MTX2: variants seen among roughly 807,000 people sequenced by gnomAD.
The protein encoded by MTX2 is metaxin 2.
Under a neutral mutation model 42.3 loss-of-function variants are expected in MTX2, and 35 were observed. The observed-to-expected ratio is 0.83, with a 90% CI of 0.63 to 1.10. The LOEUF is 1.10. Among genes scored for constraint, MTX2 ranks in the 50% least tolerant of loss-of-function variants. The probability of loss-of-function intolerance (pLI) is 0.00; values close to 1 mark genes in which losing one functional copy is unlikely to be tolerated. For missense variants in MTX2, 307 were observed against 304.1 expected (o/e 1.01, Z -0.07); for synonymous variants, 119 against 100.9 (o/e 1.18, Z -1.08).
intron 1 of MTX2, among the ~76,000 whole-genome samples, chr2:176,282,803 A>G (rs1192540680): frequency 6.6e-6 from 1 of 150,868 alleles, no homozygotes; most frequent in East Asian, 2.0e-4. Context: ...TCCTGGGTTC[A>G]TGCGATTGTC....
chr2:176,332,389 A>G (rs1483347885), intron 9 of MTX2, among the ~76,000 whole-genome samples: 3 of 151,346 alleles, frequency 2.0e-5, no homozygotes, highest in Admixed American at 1.3e-4. Context: ...TAAGTCAGGT[A>G]TTATACTGCA....
At chr2:176,292,992 A>G (rs915013157) in intron 1 of MTX2, among the ~76,000 whole-genome samples, 2 of 152,224 alleles carry the variant, frequency 1.3e-5, no homozygotes, top group Admixed American at 6.5e-5. Context: ...GTGTAACAGC[A>G]TACAAAACTA....
intron 9 of MTX2, among the ~76,000 whole-genome samples, chr2:176,335,099 C>T (rs1176011157): frequency 6.6e-6 from 1 of 151,894 alleles, no homozygotes; most frequent in African/African-American, 2.4e-5. Flanking sequence ...AAAAGGACCA[C>T]ATGATAAGGA....
intron 5 of MTX2, 58 bp from the exon 6 acceptor site, chr2:176,328,235 T>G: frequency 1.8e-6 from 2 of 1,131,966 alleles, no homozygotes; most frequent in South Asian, 3.5e-5. Context: ...GTGAGATAAC[T>G]GAAAGTTTTT....
At chr2:176,326,745 T>C (rs771332677) in intron 4 of MTX2, 80 bp from the exon 5 acceptor site, 1 of 913,462 alleles carries the variant, frequency 1.1e-6, no homozygotes, top group Non-Finnish European at 1.6e-6. Context: ...TACCTGAGTT[T>C]TGTGTTAATT....
At chr2:176,307,939 A>G (rs983815895) in intron 3 of MTX2, among the ~76,000 whole-genome samples, 2 of 152,106 alleles carry the variant, frequency 1.3e-5, no homozygotes, top group Admixed American at 1.3e-4. Context: ...CACTGTGTTC[A>G]ATAGGAGTGG....
rs1303873403 is a variant in MTX2 at position 176,272,836 on chromosome 2, T to C, written c.40+3167T>C. On this transcript the variant is annotated intron_variant, in intron 1 of 9. Coordinates refer to ENST00000249442, the MANE Select transcript of MTX2 (RefSeq NM_006554.5). ...ATTGTTTGAATTACTATAGTGAGCA[T>C]AGTTTACTTTTGTAATTTAAATGAT... Among the ~76,000 whole-genome samples the C allele has an allele frequency of 2.6e-5, 4 of 152,214 alleles. No homozygotes were observed. In the East Asian group the frequency reaches 5.8e-4, roughly 22 times the overall value.
intron 6 of MTX2, among the ~76,000 whole-genome samples, chr2:176,328,628 T>C (rs185117339): frequency 7.3e-5 from 11 of 151,368 alleles, no homozygotes; most frequent in Non-Finnish European, 4.5e-5. Context: ...CTTTGGCCTT[T>C]TGAAATTTGC....
intron 3 of MTX2, among the ~76,000 whole-genome samples, chr2:176,301,706 C>G (rs1362079482): frequency 6.6e-6 from 1 of 152,068 alleles, no homozygotes; most frequent in Non-Finnish European, 1.5e-5. Context: ...GAAGTTTCAC[C>G]TAACAATAAG....
intron 3 of MTX2, among the ~76,000 whole-genome samples, chr2:176,307,352 G>A (rs181912247): frequency 6.6e-6 from 1 of 152,246 alleles, no homozygotes; most frequent in East Asian, 1.9e-4. Flanking sequence ...GATGCCTCCA[G>A]CTTTGTTCTT....
In MTX2 at chr2:176,291,111, G is replaced by C. The variant is rs80232427; in HGVS notation, c.41-5749G>C. Among the ~76,000 whole-genome samples, 982 of 152,130 alleles carry C rather than the reference G, an allele frequency of 6.5e-3. 5 individuals are homozygous for C. The highest frequency in any genetic ancestry group is 8.3e-3 in the African/African-American group (343 of 41,510). On this transcript the variant is annotated intron_variant, in intron 1 of 9. Coordinates refer to ENST00000249442, the MANE Select transcript of MTX2 (RefSeq NM_006554.5). ...TCATAAAGTTGTTAATTGCTGAGCC[G>C]ATATATCATGCACATTATAAAACAT...
intron 1 of MTX2, among the ~76,000 whole-genome samples, chr2:176,288,613 C>T (rs1260391097): frequency 6.7e-6 from 1 of 149,876 alleles, no homozygotes; most frequent in Non-Finnish European, 1.5e-5. Flanking sequence ...AATCTAGTTG[C>T]CTAAGGATAA....
At chr2:176,327,174 ATTTT>A (rs1219726784) in intron 5 of MTX2, among the ~76,000 whole-genome samples, 5 of 151,268 alleles carry the variant, frequency 3.3e-5, no homozygotes, top group African/African-American at 1.2e-4. Context: ...ATGGTAGATA[ATTTT>A]CTAACTTATG....
rs909489456 is a variant in MTX2 at position 176,278,160 on chromosome 2, C to A, written c.40+8491C>A. 4.1e-5 allele frequency among the ~76,000 whole-genome samples: 6 copies of A among 145,288 alleles called. No individual in the cohort carries two copies. In the Admixed American group the frequency reaches 4.4e-4, roughly 11 times the overall value. On this transcript the variant is annotated intron_variant, in intron 1 of 9. Coordinates refer to ENST00000249442, the MANE Select transcript of MTX2 (RefSeq NM_006554.5). ...CTGCCTCCCAGGTTCAAGTGATTCTCCTGCCTCAGCCTCCCAAGTAGCTGG... is the reference window on the plus strand; with the variant it reads ...CTGCCTCCCAGGTTCAAGTGATTCTACTGCCTCAGCCTCCCAAGTAGCTGG...
At chr2:176,322,184 T>C (rs1489901681) in intron 3 of MTX2, among the ~76,000 whole-genome samples, 2 of 152,092 alleles carry the variant, frequency 1.3e-5, no homozygotes, top group African/African-American at 4.8e-5. Context: ...CAGAAGAGAA[T>C]TGACATACTT....
intron 3 of MTX2, among the ~76,000 whole-genome samples, chr2:176,308,226 G>A (rs1684203588): frequency 6.6e-6 from 1 of 152,148 alleles, no homozygotes; most frequent in Non-Finnish European, 1.5e-5. Context: ...TGTTGAACCA[G>A]CCTTGCATCC....
chr2:176,329,503 TA>T (rs1306184722), intron 8 of MTX2, 77 bp downstream of exon 8: 19 of 1,300,560 alleles, frequency 1.5e-5, no homozygotes, highest in East Asian at 2.7e-5. Context: ...GATACTCCTT[TA>T]AAAAAATATA....
chr2:176,307,584 A>G (rs2105423663), intron 3 of MTX2, among the ~76,000 whole-genome samples: 1 of 152,240 alleles, frequency 6.6e-6, no homozygotes, highest in Non-Finnish European at 1.5e-5. Context: ...TTCCTTGAGC[A>G]GTAGTTTGTA....
At chr2:176,288,222 G>C (rs1211318271) in intron 1 of MTX2, among the ~76,000 whole-genome samples, 1 of 151,914 alleles carries the variant, frequency 6.6e-6, no homozygotes, top group Non-Finnish European at 1.5e-5. Context: ...TAAAATTTCA[G>C]TTTTGATAAA....
Sources: allele counts gnomAD v4.1 joint callset (sites outside exome capture counted in the v4.1 genomes callset), GRCh38; gene constraint gnomAD v4.1.1; transcripts MANE v1.5; gene names NCBI Gene and HGNC (gene_info 2026-07-23, HGNC 2026-07-21).